VGLL4: variants seen among roughly 807,000 people sequenced by gnomAD.
The protein encoded by VGLL4 is transcription cofactor vestigial-like protein 4.
In VGLL4, 7 loss-of-function variants were observed where a neutral mutation model predicts 21.0. The observed-to-expected ratio is 0.33, with a 90% CI of 0.19 to 0.63. VGLL4 has a LOEUF of 0.63. Ranked by LOEUF, VGLL4 falls within the 20% of genes least tolerant of loss-of-function variation. The pLI is 0.78. For missense variants in VGLL4, 394 were observed against 425.7 expected, an observed-to-expected ratio of 0.93 and a Z score of 0.66; for synonymous variants, 222 against 173.2, an observed-to-expected ratio of 1.28 and a Z score of -2.21.
chr3:11,650,680 T>C (rs554208377), intron 2 of VGLL4, among the ~76,000 whole-genome samples: 24 of 151,604 alleles, frequency 1.6e-4, no homozygotes, highest in Non-Finnish European at 3.4e-4. Flanking sequence ...ATACTTTCAT[T>C]TTAAAGTGCT....
chr3:11,570,417 A>G (rs1466635618), intron 2 of VGLL4, among the ~76,000 whole-genome samples: 2 of 152,208 alleles, frequency 1.3e-5, no homozygotes, highest in African/African-American at 4.8e-5. Context: ...TGGCTTTCTC[A>G]GTCAGTAAGC....
intron 1 of VGLL4, among the ~76,000 whole-genome samples, chr3:11,711,998 T>C (rs542401395): frequency 1.2e-4 from 19 of 152,348 alleles, no homozygotes; most frequent in African/African-American, 4.6e-4. Flanking sequence ...TGTCCGGTGA[T>C]GCCCCACCAA....
chr3:11,638,085 G>A (rs1034387368), intron 1 of VGLL4, among the ~76,000 whole-genome samples: 1 of 152,170 alleles, frequency 6.6e-6, no homozygotes, highest in African/African-American at 2.4e-5. Flanking sequence ...ATTTCTTCCT[G>A]AAAAAATCCA....
chr3:11,673,741 T>C (rs1484543163), intron 2 of VGLL4, among the ~76,000 whole-genome samples: 1 of 151,970 alleles, frequency 6.6e-6, no homozygotes, highest in African/African-American at 2.4e-5. Flanking sequence ...TGGCCAGATG[T>C]GGTGGCTCAC....
At chr3:11,708,572 C>T (rs1285230839) in intron 1 of VGLL4, among the ~76,000 whole-genome samples, 6 of 151,908 alleles carry the variant, frequency 3.9e-5, no homozygotes, top group African/African-American at 1.2e-4. Flanking sequence ...ATTTTAAGTC[C>T]GTGAAAAGTC....
At chr3:11,579,556 C>T (rs1278026137) in intron 2 of VGLL4, among the ~76,000 whole-genome samples, 3 of 152,126 alleles carry the variant, frequency 2.0e-5, no homozygotes, top group Non-Finnish European at 4.4e-5. Flanking sequence ...CAGAAGTGTT[C>T]GTCTGTGGAG....
chr3:11,650,666 G>A (rs2075857299), intron 2 of VGLL4, among the ~76,000 whole-genome samples: 1 of 151,820 alleles, frequency 6.6e-6, no homozygotes, highest in East Asian at 1.9e-4. Flanking sequence ...TGGATATTTA[G>A]TTAATACTTT....
intron 1 of VGLL4, among the ~76,000 whole-genome samples, chr3:11,641,897 T>A (rs759940735): frequency 6.6e-6 from 1 of 152,094 alleles, no homozygotes; most frequent in Non-Finnish European, 1.5e-5. Context: ...TTCCTAACAA[T>A]CTTATATTTC....
chr3:11,566,079 G>A (rs1008437982), intron 2 of VGLL4, among the ~76,000 whole-genome samples: 1 of 152,218 alleles, frequency 6.6e-6, no homozygotes, highest in Non-Finnish European at 1.5e-5. Flanking sequence ...TTAACTAGCA[G>A]AAAAGCCTAG....
At chr3:11,683,981 C>G (rs564446627) in intron 2 of VGLL4, among the ~76,000 whole-genome samples, 1 of 152,052 alleles carries the variant, frequency 6.6e-6, no homozygotes, top group African/African-American at 2.4e-5. Context: ...GAGGCCAAGG[C>G]GGGTGGATCA....
At chr3:11,578,229 A>G (rs2074111542) in intron 2 of VGLL4, among the ~76,000 whole-genome samples, 1 of 152,306 alleles carries the variant, frequency 6.6e-6, no homozygotes, top group Admixed American at 6.5e-5. Flanking sequence ...GGTCACATAA[A>G]AGTCTCCAAT....
At chr3:11,659,095 T>C (rs1258421299) in intron 2 of VGLL4, among the ~76,000 whole-genome samples, 1 of 152,058 alleles carries the variant, frequency 6.6e-6, no homozygotes, top group Admixed American at 6.5e-5. Flanking sequence ...ACCCTAGACA[T>C]ACAGCAAGCA....
At chr3:11,589,090 G>A (rs897427508) in intron 2 of VGLL4, among the ~76,000 whole-genome samples, 2 of 152,196 alleles carry the variant, frequency 1.3e-5, no homozygotes, top group Admixed American at 6.5e-5. Flanking sequence ...CAGGAAGCAG[G>A]GGAGGAGAGC....
At chr3:11,598,887 T>C (rs974706998) in intron 2 of VGLL4, among the ~76,000 whole-genome samples, 2 of 152,198 alleles carry the variant, frequency 1.3e-5, no homozygotes, top group Non-Finnish European at 1.5e-5. Flanking sequence ...ATTAACAAAC[T>C]CTAAGAAGAT....
At chr3:11,578,887 CTA>C (rs2074140528) in intron 2 of VGLL4, among the ~76,000 whole-genome samples, 2 of 151,506 alleles carry the variant, frequency 1.3e-5, no homozygotes, top group Non-Finnish European at 2.9e-5. Flanking sequence ...GTAGCTGGGA[CTA>C]CAAGCGCCCG....
chr3:11,709,157 G>A (rs1199075062), intron 1 of VGLL4, among the ~76,000 whole-genome samples: 1 of 151,810 alleles, frequency 6.6e-6, no homozygotes, highest in Non-Finnish European at 1.5e-5. Flanking sequence ...GATACAGAGG[G>A]CCAGGTGCAG....
In VGLL4 at chr3:11,573,323, GAAAGAAAGA is replaced by G. The variant is rs1559870325; in HGVS notation, c.273-8313_273-8305del. On this transcript the variant is annotated intron_variant, in intron 2 of 4. Transcript: ENST00000430365. ...AGAAAGAAAGGAAGGAAGGAAGAAA[GAAAGAAAGA>G]AAGAAAGAAAGAAAGAAAGAAAGAA... 3.9e-3 allele frequency among the ~76,000 whole-genome samples: 136 copies of G among 34,448 alleles called. 6 individuals are homozygous for G. The highest frequency in any genetic ancestry group is 6.6e-3 in the Admixed American group (24 of 3,654). 22.6% of individuals were successfully genotyped at this position (34,448 alleles called of 152,430 possible).
intron 2 of VGLL4, among the ~76,000 whole-genome samples, chr3:11,573,050 C>T (rs928800628): frequency 1.1e-4 from 16 of 151,684 alleles, no homozygotes; most frequent in Non-Finnish European, 2.2e-4. Flanking sequence ...CCTGTAATCC[C>T]AGCTACTCCA....
In VGLL4 at chr3:11,719,531, G is replaced by A. The variant is rs2076964517; in HGVS notation, c.-14+863C>T. 1 of 150,088 alleles carries A rather than the reference G, an allele frequency of 6.7e-6. No homozygotes were observed. Among genetic ancestry groups the A allele is most frequent in the Admixed American group, 6.6e-5 (1 of 15,108 alleles). 9.3% of individuals were successfully genotyped at this position (150,088 alleles called of 1,614,324 possible). ...CACCCCGAGGGCGCGCAGACGCACA[G>A]GCGGGCTCGCGCCCGAGCCCCCGCA... is the stretch of plus-strand genomic sequence containing the variant. On this transcript the variant is annotated intron_variant, in intron 1 of 5. Coordinates refer to the VGLL4 transcript ENST00000273038. This position sits in a 1 kb window ranked among gnomAD's most constrained non-coding sequence, Gnocchi z 4.0.
Sources: allele counts gnomAD v4.1 joint callset (sites outside exome capture counted in the v4.1 genomes callset), GRCh38; gene constraint gnomAD v4.1.1; non-coding constraint Gnocchi (gnomAD v3.1); transcripts MANE v1.5; gene names NCBI Gene and HGNC (gene_info 2026-07-23, HGNC 2026-07-21).